The following ARHGAP20 variants were observed in gnomAD, a reference collection of about 807,000 sequenced individuals.
ARHGAP20 encodes the protein rho GTPase-activating protein 20.
In ARHGAP20, 34 loss-of-function variants were observed where a neutral mutation model predicts 73.7. The ratio of observed to expected loss-of-function variants is 0.46; its 90% CI spans 0.35 to 0.61. The LOEUF (loss-of-function observed/expected upper bound fraction) is 0.61, where lower values mean the gene tolerates loss of function less well. Ranked by LOEUF, ARHGAP20 falls within the 20% of genes least tolerant of loss-of-function variation. The pLI, the probability that ARHGAP20 is intolerant of heterozygous loss-of-function variation, is 0.00. For synonymous variants in ARHGAP20, 523 were observed against 518.2 expected, an observed-to-expected ratio of 1.01 and a Z score of -0.13; for missense variants, 1,314 against 1,420.9, an observed-to-expected ratio of 0.92 and a Z score of 1.21.
intron 9 of ARHGAP20, among the ~76,000 whole-genome samples, chr11:110,605,425 G>C (rs1010612322): frequency 2.6e-5 from 4 of 152,160 alleles, no homozygotes; most frequent in Non-Finnish European, 5.9e-5. Flanking sequence ...GAAACTATAT[G>C]TTTTAGTATG....
chr11:110,624,116 C>T (rs1948685296), intron 4 of ARHGAP20, 46 bp downstream of exon 4: 2 of 1,573,222 alleles, frequency 1.3e-6, no homozygotes, highest in Non-Finnish European at 1.7e-6. Flanking sequence ...TAGAAATTAT[C>T]ATAGTAGCTA....
chr11:110,712,169 C>G lies in ARHGAP20; in HGVS notation c.63G>C (p.Leu21=). 8.0e-6 allele frequency: 11 copies of G among 1,371,016 alleles called. No homozygotes were observed. Among genetic ancestry groups the G allele is most frequent in the African/African-American group, 1.5e-5 (1 of 66,780 alleles). 84.9% of individuals were successfully genotyped at this position (1,371,016 alleles called of 1,614,324 possible). ...CTCCCGCGAGCCGAGACACTCCTGT[C>G]AGGGAAGAGGAGCGCCCCGGCTGTC... ...LGGQPGRSSS[L]TGVSRLAGGS... The change falls in exon 1 of 15, where the codon CTG becomes CTC. Residue 21 remains leucine (L), a synonymous_variant. Transcript: ENST00000683387.
chr11:110,582,203 G>T, intron 14 of ARHGAP20, 118 bp downstream of exon 14: 1 of 833,186 alleles, frequency 1.2e-6, no homozygotes, highest in Non-Finnish European at 2.0e-6. Context: ...CATTGACCTG[G>T]ATCAGAGGCT....
In ARHGAP20 at chr11:110,684,965, ATTC is replaced by A. The variant is rs1950103555; in HGVS notation, c.188+5579_188+5581del. ...TTGAAAAACTACTACTGGGTACCAC[ATTC>A]ACTGTTTGTGTGATGGGTTCAATAG... On this transcript the variant is annotated intron_variant, in intron 2 of 14. Transcript: ENST00000683387. 2.0e-5 allele frequency among the ~76,000 whole-genome samples: 3 copies of A among 152,244 alleles called. No individual in the cohort carries two copies. In the South Asian group the frequency reaches 6.2e-4, roughly 32 times the overall value.
At chr11:110,612,950 G>A (rs1226305670) in intron 6 of ARHGAP20, among the ~76,000 whole-genome samples, 1 of 152,010 alleles carries the variant, frequency 6.6e-6, no homozygotes, top group Non-Finnish European at 1.5e-5. Context: ...GAGACATACT[G>A]GGCTTTAAAT....
Position 110,614,581 on chromosome 11 carries a change from C to T in ARHGAP20, c.610G>A (p.Asp204Asn), listed in dbSNP as rs1479854601. Reference sequence around the variant, plus strand: ...CTTACGTAGGCACAATTCCCAATGTCCTTGGCGAAGATTTTGAGGGGAATG... The same window carrying T: ...CTTACGTAGGCACAATTCCCAATGTTCTTGGCGAAGATTTTGAGGGGAATG... ...KSIPLKIFAK[D>N]IGNCAYSKTI... is the part of the protein sequence containing the mutation. The change falls in exon 6 of 15, where the codon GAC (aspartate) becomes AAC (asparagine). Residue 204 changes from aspartate to asparagine, a missense_variant. Physicochemically the swap from Asp to Asn is conservative, Grantham distance 23. Transcript: ENST00000683387. The T allele has an allele frequency of 1.2e-6, 2 of 1,613,034 alleles. No homozygotes were observed. The highest frequency in any genetic ancestry group is 1.3e-5 in the African/African-American group (1 of 74,854).
chr11:110,639,703 T>C (rs1446917050), intron 2 of ARHGAP20, among the ~76,000 whole-genome samples: 5 of 152,038 alleles, frequency 3.3e-5, no homozygotes, highest in Admixed American at 6.6e-5. Context: ...TCCTTTCATG[T>C]ATGGTTTCTT....
chr11:110,584,937 GTGTATA>G (rs377092806), intron 12 of ARHGAP20, among the ~76,000 whole-genome samples: 4 of 139,300 alleles, frequency 2.9e-5, no homozygotes, highest in Non-Finnish European at 3.1e-5. Context: ...GTGAATATAT[GTGTATA>G]TGAATATATG....
At chr11:110,668,085 A>G (rs1949759217) in intron 2 of ARHGAP20, among the ~76,000 whole-genome samples, 1 of 152,214 alleles carries the variant, frequency 6.6e-6, no homozygotes, top group Non-Finnish European at 1.5e-5. Context: ...TTCAATTTTG[A>G]AAGAAGTTCT....
At chr11:110,649,811 C>A (rs1204215042) in intron 2 of ARHGAP20, among the ~76,000 whole-genome samples, 1 of 152,086 alleles carries the variant, frequency 6.6e-6, no homozygotes, top group Non-Finnish European at 1.5e-5. Context: ...AAATTTTGGA[C>A]AGAAGCAGCA....
At chr11:110,634,781 GA>G (rs975561671) in intron 2 of ARHGAP20, among the ~76,000 whole-genome samples, 5 of 152,096 alleles carry the variant, frequency 3.3e-5, no homozygotes, top group Admixed American at 3.3e-4. Flanking sequence ...GAGGGAAATG[GA>G]TAATGGATAT....
intron 2 of ARHGAP20, among the ~76,000 whole-genome samples, chr11:110,649,911 T>C (rs751373822): frequency 6.9e-4 from 105 of 152,194 alleles, no homozygotes; most frequent in Non-Finnish European, 1.2e-3. Flanking sequence ...ATGAAAAAAA[T>C]GTGCTAAAAG....
intron 4 of ARHGAP20, among the ~76,000 whole-genome samples, chr11:110,623,830 T>C (rs1462168120): frequency 2.7e-5 from 4 of 150,714 alleles, no homozygotes; most frequent in African/African-American, 9.8e-5. Flanking sequence ...CCCTTCCATA[T>C]TCCTGGAAGT....
rs1414820526 is a variant in ARHGAP20, at chr11:110,631,993, G to C, written c.189-1201C>G. ...GATATTACTTCCTCATCATATTTTT[G>C]GAATTCATTCATGTTATTACATTTA... On this transcript the variant is annotated intron_variant, in intron 2 of 14. Transcript: ENST00000683387. Among the ~76,000 whole-genome samples, 5 of 151,784 alleles carry C rather than the reference G, an allele frequency of 3.3e-5. No homozygotes were observed. In the East Asian group the frequency reaches 7.7e-4, roughly 23 times the overall value.
intron 2 of ARHGAP20, among the ~76,000 whole-genome samples, chr11:110,644,806 A>G (rs1026518960): frequency 3.9e-5 from 6 of 152,274 alleles, no homozygotes; most frequent in African/African-American, 1.4e-4. Context: ...CTAATTAACT[A>G]AAGAGCTTCT....
At chr11:110,622,294 T>C (rs1948645886) in intron 4 of ARHGAP20, among the ~76,000 whole-genome samples, 1 of 152,224 alleles carries the variant, frequency 6.6e-6, no homozygotes, top group South Asian at 2.1e-4. Flanking sequence ...CCAAAAGACC[T>C]CACTCTGCCA....
chr11:110,663,551 A>G (rs1363631614), intron 2 of ARHGAP20, among the ~76,000 whole-genome samples: 1 of 152,012 alleles, frequency 6.6e-6, no homozygotes, highest in African/African-American at 2.4e-5. Context: ...ACTCAAAAAG[A>G]AACAACCTGA....
chr11:110,626,505 T>C (rs537877781), intron 3 of ARHGAP20, among the ~76,000 whole-genome samples: 58 of 152,344 alleles, frequency 3.8e-4, no homozygotes, highest in African/African-American at 1.4e-3. Context: ...CTCAGGAATT[T>C]TACAGGTAAG....
intron 8 of ARHGAP20, among the ~76,000 whole-genome samples, chr11:110,608,270 AAG>A (rs1948281232): frequency 6.6e-6 from 1 of 152,156 alleles, no homozygotes; most frequent in Admixed American, 6.5e-5. Context: ...AGATCTGGTA[AAG>A]ATACTGTCCT....
Sources: gnomAD v4.1 joint callset for allele counts (sites outside exome capture counted in the v4.1 genomes callset) on GRCh38, gnomAD v4.1.1 for gene constraint, MANE v1.5 for transcripts, NCBI Gene and HGNC (gene_info 2026-07-23, HGNC 2026-07-21) for gene names.